The following NRG3 variants were observed in gnomAD, a reference collection of about 807,000 sequenced individuals.
The protein encoded by NRG3 is neuregulin 3.
Under a neutral mutation model 66.9 loss-of-function variants are expected in NRG3, and 31 were observed. The observed-to-expected ratio is 0.46, with a 90% CI of 0.35 to 0.63. NRG3 has a LOEUF of 0.63. NRG3 is among the 20% of genes least tolerant of loss of function. The pLI, the probability that NRG3 is intolerant of heterozygous loss-of-function variation, is 0.00. For synonymous variants in NRG3, 393 were observed against 359.4 expected, an observed-to-expected ratio of 1.09 and a Z score of -1.06; for missense variants, 910 against 878.9, an observed-to-expected ratio of 1.04 and a Z score of -0.45.
At chr10:82,431,879 G>T (rs2089829935) in intron 2 of NRG3, among the ~76,000 whole-genome samples, 1 of 152,120 alleles carries the variant, frequency 6.6e-6, no homozygotes, top group South Asian at 2.1e-4. Context: ...TACATAGAAA[G>T]AAATGGGCAT....
intron 1 of NRG3, among the ~76,000 whole-genome samples, chr10:82,234,702 C>T (rs149722119): frequency 2.6e-5 from 4 of 152,296 alleles, no homozygotes; most frequent in East Asian, 3.9e-4. Flanking sequence ...GGGACAGCAT[C>T]GTAAAAGTTA....
Position 82,330,157 on chromosome 10 carries a change from A to G in NRG3, c.824-28582A>G, listed in dbSNP as rs76229368. The stretch of plus-strand genomic sequence containing the variant: ...GTTGGCACCATTTTTAAGAATATTT[A>G]TTTCCCTGGGCTAATATTCTTTTAA... On this transcript the variant is annotated intron_variant, in intron 1 of 8. Coordinates refer to ENST00000372141, the MANE Select transcript of NRG3 (RefSeq NM_001010848.4). 2.8e-3 allele frequency among the ~76,000 whole-genome samples: 433 copies of G among 152,280 alleles called. 1 individual carries two copies. Among genetic ancestry groups the G allele is most frequent in the African/African-American group, 8.4e-3 (350 of 41,562 alleles).
chr10:82,941,121 G>T (rs529866126), intron 4 of NRG3, among the ~76,000 whole-genome samples: 2 of 152,016 alleles, frequency 1.3e-5, no homozygotes, highest in Non-Finnish European at 2.9e-5. Flanking sequence ...TGGGACTGGA[G>T]GCCCCCCACC....
chr10:82,912,452 T>G (rs969268923), intron 4 of NRG3, among the ~76,000 whole-genome samples: 219 of 152,316 alleles, frequency 1.4e-3, no homozygotes, highest in African/African-American at 5.1e-3. Context: ...TTCTGTCTTC[T>G]TTACCTGAAA....
intron 2 of NRG3, among the ~76,000 whole-genome samples, chr10:82,502,668 A>G (rs967367408): frequency 2.6e-5 from 4 of 152,146 alleles, no homozygotes; most frequent in Admixed American, 1.3e-4. Context: ...AAGAGTTACA[A>G]ATTTCTTTGT....
intron 2 of NRG3, among the ~76,000 whole-genome samples, chr10:82,441,194 C>G (rs189471123): frequency 1.3e-5 from 2 of 152,120 alleles, no homozygotes; most frequent in Non-Finnish European, 1.5e-5. Context: ...CAGGTCCACA[C>G]GAAGAATACC....
intron 1 of NRG3, among the ~76,000 whole-genome samples, chr10:81,878,821 A>G (rs1841920139): frequency 6.6e-6 from 1 of 152,250 alleles, no homozygotes; most frequent in Middle Eastern, 3.4e-3. Flanking sequence ...TGCATTGGAT[A>G]CCTGAAGGCT....
At chr10:82,563,611 T>C (rs1329377497) in intron 2 of NRG3, among the ~76,000 whole-genome samples, 1 of 151,978 alleles carries the variant, frequency 6.6e-6, no homozygotes, top group Non-Finnish European at 1.5e-5. Context: ...CACATACTTA[T>C]ATATGTGATA....
intron 1 of NRG3, among the ~76,000 whole-genome samples, chr10:82,256,252 T>C (rs2077719982): frequency 6.6e-6 from 1 of 152,208 alleles, no homozygotes; most frequent in Non-Finnish European, 1.5e-5. Context: ...ACATGAAATC[T>C]ACTTTAAAAA....
chr10:82,925,883 C>T (rs752927639), intron 4 of NRG3, among the ~76,000 whole-genome samples: 11 of 152,234 alleles, frequency 7.2e-5, no homozygotes, highest in South Asian at 2.1e-4. Flanking sequence ...CTTTTGCAGC[C>T]TGCCCAGGCT....
At chr10:82,448,282 C>G (rs955196434) in intron 2 of NRG3, among the ~76,000 whole-genome samples, 12 of 152,174 alleles carry the variant, frequency 7.9e-5, no homozygotes, top group Non-Finnish European at 1.6e-4. Context: ...CAGCCCCCAC[C>G]CGCTTTACAG....
intron 2 of NRG3, among the ~76,000 whole-genome samples, chr10:82,468,731 G>A (rs1840934996): frequency 6.6e-6 from 1 of 152,150 alleles, no homozygotes. Context: ...AGGCACTTTA[G>A]ATCTATTGCA....
chr10:82,063,985 AT>A (rs2064305942), intron 1 of NRG3, among the ~76,000 whole-genome samples: 1 of 152,214 alleles, frequency 6.6e-6, no homozygotes, highest in Non-Finnish European at 1.5e-5. Flanking sequence ...TCTGAAAGGA[AT>A]CTTCTGCCTC....
chr10:82,583,110 A>G (rs1014152744), intron 2 of NRG3, among the ~76,000 whole-genome samples: 1 of 152,178 alleles, frequency 6.6e-6, no homozygotes, highest in Non-Finnish European at 1.5e-5. Flanking sequence ...TTGTGTTTTA[A>G]AAGGGTGTGT....
chr10:82,709,281 G>A (rs1007473314), intron 2 of NRG3, among the ~76,000 whole-genome samples: 1 of 152,132 alleles, frequency 6.6e-6, no homozygotes, highest in Non-Finnish European at 1.5e-5. Flanking sequence ...CTATCGGATG[G>A]TGTGACTCTA....
intron 1 of NRG3, among the ~76,000 whole-genome samples, chr10:82,180,238 T>A (rs1319983334): frequency 6.6e-6 from 1 of 151,832 alleles, no homozygotes; most frequent in Non-Finnish European, 1.5e-5. Flanking sequence ...ATTTTATTTC[T>A]TTTTCTTGTT....
At chr10:81,919,969 A>T (rs557240558) in intron 1 of NRG3, among the ~76,000 whole-genome samples, 1 of 152,324 alleles carries the variant, frequency 6.6e-6, no homozygotes, top group East Asian at 1.9e-4. Flanking sequence ...GCCACATCTG[A>T]CAGATACACT....
chr10:82,473,479 A>G (rs191843617), intron 2 of NRG3, among the ~76,000 whole-genome samples: 19 of 152,312 alleles, frequency 1.2e-4, no homozygotes, highest in African/African-American at 4.1e-4. Flanking sequence ...ACAAACCAAC[A>G]AACAAACAAA....
chr10:82,166,749 A>AC (rs1432165309), intron 1 of NRG3: 1 of 669,738 alleles, frequency 1.5e-6, no homozygotes, highest in Admixed American at 2.1e-5. Context: ...ATCTGGTATT[A>AC]TTTTCCTTCT....
Sources: gnomAD v4.1 joint callset for allele counts (sites outside exome capture counted in the v4.1 genomes callset) on GRCh38, gnomAD v4.1.1 for gene constraint, MANE v1.5 for transcripts, NCBI Gene and HGNC (gene_info 2026-07-23, HGNC 2026-07-21) for gene names.